The following CACNA2D2 variants were observed in gnomAD, a reference collection of about 807,000 sequenced individuals.
CACNA2D2 encodes voltage-dependent calcium channel subunit alpha-2/delta-2.
Under a neutral mutation model 166.4 loss-of-function variants are expected in CACNA2D2, and 48 were observed. The ratio of observed to expected loss-of-function variants is 0.29; its 90% confidence interval spans 0.23 to 0.37. CACNA2D2 has a LOEUF of 0.37. Among genes scored for constraint, CACNA2D2 ranks in the 10% least tolerant of loss-of-function variants. The pLI, the probability that CACNA2D2 is intolerant of heterozygous loss-of-function variation, is 1.00. For missense variants in CACNA2D2, 1,122 were observed against 1,433.0 expected (o/e 0.78, Z 3.50); for synonymous variants, 561 against 573.7 (o/e 0.98, Z 0.32).
intron 2 of CACNA2D2, among the ~76,000 whole-genome samples, chr3:50,472,913 G>C (rs923025703): frequency 2.6e-5 from 4 of 152,196 alleles, no homozygotes; most frequent in African/African-American, 9.7e-5. Flanking sequence ...GGGTAGAAAA[G>C]AGGCTCCAGA....
chr3:50,365,257 C>T lies in CACNA2D2; in HGVS notation c.3099-73G>A, dbSNP rs1164088433. The T allele has an allele frequency of 6.4e-7, 1 of 1,571,666 alleles. No individual in the cohort carries two copies. The highest frequency in any genetic ancestry group is 8.6e-7 in the Non-Finnish European group (1 of 1,159,118). On this transcript the variant is annotated intron_variant, in intron 35 of 37. Transcript: ENST00000424201. The surrounding 1 kb of genome is among the most constrained non-coding windows in gnomAD (Gnocchi z 4.5). The stretch of plus-strand genomic sequence containing the variant: ...CCCACCCCCATCCTGCGGCCCCGCC[C>T]CCGGCCGCTCGGAGGCCCCGCCCCT...
At position 50,381,014 on chromosome 3, in the gene CACNA2D2, T is replaced by C. The variant is rs1256054678; in HGVS notation, c.765A>G (p.Gly255=). 9.9e-6 allele frequency: 16 copies of C among 1,613,622 alleles called. No individual in the cohort carries two copies. Among genetic ancestry groups the C allele is most frequent in the Non-Finnish European group, 1.4e-5 (16 of 1,179,806 alleles). Residue 255 remains glycine, a synonymous_variant, in exon 7 of 38, where the codon GGA becomes GGG. Transcript: ENST00000424201. ...ACCTACCCGGGTAGTAGCGAGTGAC[T>C]CCTGTGGCGCTGCCGAAGACCTGCC... ...LLWQVFGSAT[G]VTRYYPATPW...
At chr3:50,413,882 G>C (rs1707148324) in intron 3 of CACNA2D2, among the ~76,000 whole-genome samples, 1 of 142,544 alleles carries the variant, frequency 7.0e-6, no homozygotes, top group African/African-American at 2.8e-5. Flanking sequence ...TCAGCTGCAT[G>C]AAGCAGAAGC....
In CACNA2D2 at chr3:50,363,098, CTGTTTTTT is replaced by C. The variant is rs587686179; in HGVS notation, c.*1560_*1567del. 2.0e-4 allele frequency: 79 copies of C among 398,746 alleles called. No individual in the cohort carries two copies. The South Asian group carries it at 9.3e-3, about 47-fold the overall frequency. 24.7% of individuals were successfully genotyped at this position (398,746 alleles called of 1,614,324 possible). On this transcript the variant is annotated 3_prime_UTR_variant, in exon 38 of 38. Coordinates refer to ENST00000424201, the MANE Select transcript of CACNA2D2 (RefSeq NM_006030.4). The stretch of plus-strand genomic sequence containing the variant: ...GATGGGGATTGTTTTGTCTGTTTTT[CTGTTTTTT>C]AAACTTAAAATATATATTTTTCTGT...
In CACNA2D2 at chr3:50,380,619, G is replaced by A. The variant is rs918722880; in HGVS notation, c.842+129C>T. 1.3e-6 allele frequency: 1 copy of A among 753,800 alleles called. No individual in the cohort carries two copies. The highest frequency in any genetic ancestry group is 2.1e-6 in the Non-Finnish European group (1 of 479,284). The allele number at this position is 753,800 out of a possible 1,614,324, so 46.7% of individuals were successfully genotyped here. Reference sequence around the variant, plus strand: ...ATCCATTTTCCAGTGGCAACCATGTGTGAAATGAAAATTGGATACAGCTGG... The same window carrying A: ...ATCCATTTTCCAGTGGCAACCATGTATGAAATGAAAATTGGATACAGCTGG... On this transcript the variant is annotated intron_variant, in intron 8 of 37. Transcript: ENST00000424201. The surrounding 1 kb of genome is among the most constrained non-coding windows in gnomAD (Gnocchi z 4.9).
intron 1 of CACNA2D2, among the ~76,000 whole-genome samples, chr3:50,490,660 C>T (rs572909467): frequency 1.3e-5 from 2 of 152,334 alleles, no homozygotes; most frequent in Non-Finnish European, 2.9e-5. Flanking sequence ...ACAGTCATGA[C>T]GAGCTTGGCT....
chr3:50,434,269 C>T (rs1224396466), intron 3 of CACNA2D2, 44 bp downstream of exon 3: 2 of 1,370,232 alleles, frequency 1.5e-6, no homozygotes, highest in Non-Finnish European at 2.1e-6. Context: ...CTCCACCTGG[C>T]CCTCCCTCAG....
At chr3:50,421,760 GC>G (rs966401381) in intron 3 of CACNA2D2, among the ~76,000 whole-genome samples, 7 of 152,112 alleles carry the variant, frequency 4.6e-5, no homozygotes, top group African/African-American at 1.7e-4. Context: ...AAAGCTTCAA[GC>G]CCCTCAGAAC....
At chr3:50,468,802 C>T (rs1709942475) in intron 2 of CACNA2D2, among the ~76,000 whole-genome samples, 2 of 151,678 alleles carry the variant, frequency 1.3e-5, no homozygotes, top group Admixed American at 1.3e-4. Context: ...TGTATGACTC[C>T]CTACTCCATT....
chr3:50,487,033 G>A (rs1698315857), intron 1 of CACNA2D2, among the ~76,000 whole-genome samples: 1 of 152,206 alleles, frequency 6.6e-6, no homozygotes, highest in Non-Finnish European at 1.5e-5. Context: ...TGGTACCTCG[G>A]CCAGGCGCAG....
chr3:50,487,522 A>C (rs1425222214), intron 1 of CACNA2D2, among the ~76,000 whole-genome samples: 2 of 152,162 alleles, frequency 1.3e-5, no homozygotes, highest in Admixed American at 6.5e-5. Context: ...ATGTAAATGG[A>C]ATGTGAGTGT....
intron 3 of CACNA2D2, among the ~76,000 whole-genome samples, chr3:50,419,222 A>G (rs1029342589): frequency 5.3e-5 from 8 of 152,222 alleles, no homozygotes; most frequent in Non-Finnish European, 7.3e-5. Flanking sequence ...TCTCTAAAAC[A>G]GGGACCTGAG....
In CACNA2D2 at chr3:50,387,476, T is replaced by G; in HGVS notation, c.510+92A>C. On this transcript the variant is annotated intron_variant, in intron 5 of 37. Coordinates refer to ENST00000424201, the MANE Select transcript of CACNA2D2 (RefSeq NM_006030.4). ...TCACCACGGCTCTGCAGGGTTGAGC[T>G]CAGAATGTGTGGCGCTGAGTCCTAA... 7.4e-6 allele frequency: 8 copies of G among 1,080,632 alleles called. 1 individual carries two copies. The highest frequency in any genetic ancestry group is 7.1e-6 in the Non-Finnish European group (5 of 702,738). 66.9% of individuals were successfully genotyped at this position (1,080,632 alleles called of 1,614,324 possible).
intron 1 of CACNA2D2, among the ~76,000 whole-genome samples, chr3:50,502,147 C>T (rs1363084639): frequency 1.3e-5 from 2 of 152,188 alleles, no homozygotes; most frequent in Non-Finnish European, 2.9e-5. Context: ...GACGCAGAGC[C>T]AGCCTCTCCC....
chr3:50,498,589 C>A (rs555020902), intron 1 of CACNA2D2, among the ~76,000 whole-genome samples: 2 of 152,176 alleles, frequency 1.3e-5, no homozygotes, highest in Non-Finnish European at 2.9e-5. Context: ...TCCATGATGG[C>A]CTGTGTATAC....
chr3:50,503,346 G>T lies in CACNA2D2; in HGVS notation c.78C>A (p.Gly26=). Residue 26 remains glycine, a synonymous_variant, in exon 1 of 38, where the codon GGC becomes GGA. Transcript: ENST00000424201. The part of the protein sequence containing the change: ...ARTARPWPGC[G]PHPGPGTRRP... Reference sequence around the variant, plus strand: ...GCCGGGTGCCGGGGCCAGGGTGGGGGCCGCAGCCGGGCCAGGGGCGCGCAG... The same window carrying T: ...GCCGGGTGCCGGGGCCAGGGTGGGGTCCGCAGCCGGGCCAGGGGCGCGCAG... 1 of 336,308 alleles carries T rather than the reference G, an allele frequency of 3.0e-6. No individual in the cohort carries two copies. The highest frequency in any genetic ancestry group is 5.1e-6 in the Non-Finnish European group (1 of 195,544). The allele number at this position is 336,308 out of a possible 1,614,324, so 20.8% of individuals were successfully genotyped here. A position where few individuals can be genotyped will look rare whatever the true frequency, so the allele number is the denominator to read the frequency against.
intron 3 of CACNA2D2, among the ~76,000 whole-genome samples, chr3:50,399,374 T>C (rs1284387670): frequency 6.6e-6 from 1 of 152,144 alleles, no homozygotes; most frequent in Non-Finnish European, 1.5e-5. Flanking sequence ...CCAGAGGACA[T>C]GAGAGGCTTA....
In CACNA2D2 at chr3:50,379,800, G is replaced by T. The variant is rs1188345893; in HGVS notation, c.918C>A (p.Thr306=). ...VDVSGSVSGL[T]LKLMKTSVCE... is the part of the protein sequence containing the mutation. ...AGACAGATGTCTTCATCAGCTTCAG[G>T]GTCAGGCCGCTCACACTGCCACTCC... The change falls in exon 10 of 38, where the codon ACC becomes ACA. Residue 306 remains threonine, a synonymous_variant. Coordinates refer to ENST00000424201, the MANE Select transcript of CACNA2D2 (RefSeq NM_006030.4). This position sits in a 1 kb window ranked among gnomAD's most constrained non-coding sequence, Gnocchi z 6.5. 6.2e-7 allele frequency: 1 copy of T among 1,613,894 alleles called. No individual in the cohort carries two copies. Among genetic ancestry groups the T allele is most frequent in the East Asian group, 2.2e-5 (1 of 44,880 alleles).
intron 1 of CACNA2D2, among the ~76,000 whole-genome samples, chr3:50,500,984 T>C (rs1264041376): frequency 6.6e-6 from 1 of 151,922 alleles, no homozygotes; most frequent in African/African-American, 2.4e-5. Context: ...AATGAGAAAA[T>C]GACTTGCTCA....
Sources: allele counts gnomAD v4.1 joint callset (sites outside exome capture counted in the v4.1 genomes callset), GRCh38; gene constraint gnomAD v4.1.1; non-coding constraint Gnocchi (gnomAD v3.1); transcripts MANE v1.5; gene names NCBI Gene and HGNC (gene_info 2026-07-23, HGNC 2026-07-21).